AGAP1: variants seen among roughly 807,000 people sequenced by gnomAD.
AGAP1 encodes the protein arf-GAP with GTPase, ANK repeat and PH domain-containing protein 1.
Under a neutral mutation model 105.3 loss-of-function variants are expected in AGAP1, and 29 were observed. That is an observed-to-expected ratio of 0.28 (90% CI 0.21 to 0.38). The LOEUF (loss-of-function observed/expected upper bound fraction) is 0.38. Among genes scored for constraint, AGAP1 ranks in the 10% least tolerant of loss-of-function variants. AGAP1 has a pLI of 1.00. For missense variants in AGAP1, 998 were observed against 1,165.1 expected, an observed-to-expected ratio of 0.86 and a Z score of 2.09; for synonymous variants, 509 against 485.9, an observed-to-expected ratio of 1.05 and a Z score of -0.63.
chr2:235,940,467 C>T (rs2053207480), intron 12 of AGAP1, among the ~76,000 whole-genome samples: 2 of 152,122 alleles, frequency 1.3e-5, no homozygotes, highest in Admixed American at 6.5e-5. Flanking sequence ...GTTTTTTGAC[C>T]GCCTCTCCAT....
intron 1 of AGAP1, among the ~76,000 whole-genome samples, chr2:235,497,576 T>A (rs1313873762): frequency 6.6e-6 from 1 of 152,206 alleles, no homozygotes; most frequent in Non-Finnish European, 1.5e-5. Flanking sequence ...TTCCCAAGCT[T>A]CTGGACTACC....
Position 235,533,898 on chromosome 2 carries a change from G to C in AGAP1, c.163+39049G>C, listed in dbSNP as rs1244093312. ...GGTTTGGGCTGTGGGCTGGACAAGC[G>C]CTTGCTGCTTAAACCATGTTGATTG... is the stretch of plus-strand genomic sequence containing the variant. On this transcript the variant is annotated intron_variant, in intron 1 of 17. Transcript: ENST00000304032. Among the ~76,000 whole-genome samples, 3 of 152,226 alleles carry C rather than the reference G, an allele frequency of 2.0e-5. No homozygotes were observed. In the South Asian group the frequency reaches 6.2e-4, roughly 31 times the overall value.
At chr2:235,796,975 A>C (rs572013789) in intron 6 of AGAP1, among the ~76,000 whole-genome samples, 1 of 152,318 alleles carries the variant, frequency 6.6e-6, no homozygotes, top group Non-Finnish European at 1.5e-5. Context: ...AAGAGAAGTT[A>C]TGGCTGGTTG....
At chr2:235,669,996 G>T in intron 1 of AGAP1, 1 of 288,424 alleles carries the variant, frequency 3.5e-6, no homozygotes, top group Non-Finnish European at 6.4e-6. Flanking sequence ...GGTCAGCGGG[G>T]GGCGTGGGCC....
At chr2:235,632,665 C>T (rs1427725528) in intron 1 of AGAP1, among the ~76,000 whole-genome samples, 1 of 152,202 alleles carries the variant, frequency 6.6e-6, no homozygotes, top group Admixed American at 6.5e-5. Context: ...CTAGCTCCAC[C>T]TGGCCTCCCT....
chr2:235,546,882 G>A (rs1943639818), intron 1 of AGAP1, among the ~76,000 whole-genome samples: 1 of 152,214 alleles, frequency 6.6e-6, no homozygotes, highest in African/African-American at 2.4e-5. Context: ...CTTGAAGCAT[G>A]TTAAAAGAAG....
rs1195298282 is a variant in AGAP1 at position 235,976,424 on chromosome 2, C to G, written c.1645+7801C>G. On this transcript the variant is annotated intron_variant, in intron 13 of 17. Transcript: ENST00000304032. This position sits in a 1 kb window ranked among gnomAD's most constrained non-coding sequence, Gnocchi z 4.5. ...CTCTCAGATCCTTTGTGGAAGCCAGCAGGTCGGAAATAAACAAAGATGAGT... is the reference window on the plus strand; with the variant it reads ...CTCTCAGATCCTTTGTGGAAGCCAGGAGGTCGGAAATAAACAAAGATGAGT... 6.6e-6 allele frequency among the ~76,000 whole-genome samples: 1 copy of G among 152,198 alleles called. No homozygotes were observed. The highest frequency in any genetic ancestry group is 1.5e-5 in the Non-Finnish European group (1 of 68,044).
chr2:235,709,802 A>C (rs1190230041), intron 2 of AGAP1, among the ~76,000 whole-genome samples: 1 of 152,220 alleles, frequency 6.6e-6, no homozygotes, highest in East Asian at 1.9e-4. Flanking sequence ...ACGTGTAAAA[A>C]GTGGTCCATC....
chr2:235,823,488 A>G (rs1029369257), intron 9 of AGAP1, among the ~76,000 whole-genome samples: 1 of 152,110 alleles, frequency 6.6e-6, no homozygotes, highest in African/African-American at 2.4e-5. Context: ...CTGCCCAACA[A>G]ACATGCTGTT....
rs529338416 is a variant in AGAP1, at chr2:235,985,271, A to G, written c.1645+16648A>G. Among the ~76,000 whole-genome samples, 6 of 152,302 alleles carry G rather than the reference A, an allele frequency of 3.9e-5. No individual in the cohort carries two copies. The South Asian group carries it at 1.2e-3, about 32-fold the overall frequency. ...GTCTTCTTTTGAGAAATGTCTGTTC[A>G]TATCCTTTGCCCACTTTTTGATGGG... On this transcript the variant is annotated intron_variant, in intron 13 of 17. Coordinates refer to ENST00000304032, the MANE Select transcript of AGAP1 (RefSeq NM_001037131.3).
rs2051071232 is a variant in AGAP1 at position 235,901,656 on chromosome 2, G to T, written c.1156-7082G>T. On this transcript the variant is annotated intron_variant, in intron 10 of 17. Coordinates refer to ENST00000304032, the MANE Select transcript of AGAP1 (RefSeq NM_001037131.3). This position sits in a 1 kb window ranked among gnomAD's most constrained non-coding sequence, Gnocchi z 4.3. ...AGCACTTTGGGAGGCCAAGGCGGGTGGGTCACCTGAAGTCAGAAGTTGGAG... is the reference window on the plus strand; with the variant it reads ...AGCACTTTGGGAGGCCAAGGCGGGTTGGTCACCTGAAGTCAGAAGTTGGAG... Among the ~76,000 whole-genome samples the T allele has an allele frequency of 6.6e-6, 1 of 152,120 alleles. No homozygotes were observed. Among genetic ancestry groups the T allele is most frequent in the Non-Finnish European group, 1.5e-5 (1 of 68,010 alleles).
At chr2:235,543,881 C>G (rs1436700950) in intron 1 of AGAP1, among the ~76,000 whole-genome samples, 1 of 152,156 alleles carries the variant, frequency 6.6e-6, no homozygotes, top group Non-Finnish European at 1.5e-5. Flanking sequence ...AAGCATAGAC[C>G]TGTCAGGGAA....
At chr2:235,912,090 GCC>G (rs2051646145) in intron 11 of AGAP1, among the ~76,000 whole-genome samples, 1 of 152,244 alleles carries the variant, frequency 6.6e-6, no homozygotes, top group Non-Finnish European at 1.5e-5. Flanking sequence ...CTGAGAATAA[GCC>G]ATGGGCGGAG....
chr2:235,918,859 A>G (rs1458352234), intron 11 of AGAP1, among the ~76,000 whole-genome samples: 1 of 152,150 alleles, frequency 6.6e-6, no homozygotes, highest in Admixed American at 6.5e-5. Context: ...GATAGCTTCA[A>G]TTATTTGAAC....
chr2:235,644,036 C>G (rs778915369), intron 1 of AGAP1, among the ~76,000 whole-genome samples: 21 of 152,110 alleles, frequency 1.4e-4, no homozygotes, highest in African/African-American at 5.1e-4. Flanking sequence ...AGATGGCTCC[C>G]CTGGCCACAA....
intron 6 of AGAP1, among the ~76,000 whole-genome samples, chr2:235,772,078 C>T (rs1000168878): frequency 6.7e-6 from 1 of 150,028 alleles, no homozygotes; most frequent in Admixed American, 6.8e-5. Context: ...TTACTGCAAC[C>T]TCCGCCTCCG....
chr2:235,540,457 TC>T (rs1447077864), intron 1 of AGAP1, among the ~76,000 whole-genome samples: 1 of 152,148 alleles, frequency 6.6e-6, no homozygotes. Flanking sequence ...CCAACCTCAA[TC>T]CATTTCTTTA....
rs532606513 is a variant in AGAP1, at chr2:235,570,277, G to A, written c.163+75428G>A. Among the ~76,000 whole-genome samples the A allele has an allele frequency of 8.5e-5, 13 of 152,294 alleles. 1 individual carries two copies. The South Asian group carries it at 2.7e-3, about 32-fold the overall frequency. On this transcript the variant is annotated intron_variant, in intron 1 of 17. Transcript: ENST00000304032. Reference sequence around the variant, plus strand: ...GGCTAGCGGCTGTTGCCACCTACAAGCCCCTGCCTCCATTAGGAAGCCATT... The same window carrying A: ...GGCTAGCGGCTGTTGCCACCTACAAACCCCTGCCTCCATTAGGAAGCCATT...
At chr2:235,645,579 C>T (rs1947345594) in intron 1 of AGAP1, among the ~76,000 whole-genome samples, 1 of 151,990 alleles carries the variant, frequency 6.6e-6, no homozygotes, top group Non-Finnish European at 1.5e-5. Flanking sequence ...AAGAAGAGTT[C>T]AGAGAATGGG....
Sources: gnomAD v4.1 joint callset for allele counts (sites outside exome capture counted in the v4.1 genomes callset) on GRCh38, gnomAD v4.1.1 for gene constraint, Gnocchi (gnomAD v3.1) non-coding constraint, MANE v1.5 for transcripts, NCBI Gene and HGNC (gene_info 2026-07-23, HGNC 2026-07-21) for gene names.